The following TANC1 variants were observed in gnomAD, a reference collection of about 807,000 sequenced individuals.
TANC1 encodes the protein tetratricopeptide repeat, ankyrin repeat and coiled-coil containing 1.
A neutral mutation model predicts 149.7 loss-of-function variants in TANC1; 77 were observed. That is an observed-to-expected ratio of 0.51 (90% CI 0.43 to 0.62). The LOEUF is 0.62. Ranked by LOEUF, TANC1 falls within the 20% of genes least tolerant of loss-of-function variation. The probability of loss-of-function intolerance (pLI) is 0.00; values close to 1 mark genes in which losing one functional copy is unlikely to be tolerated. For missense variants in TANC1, 1,985 were observed against 2,321.8 expected (o/e 0.85, Z 2.98); for synonymous variants, 854 against 925.0 (o/e 0.92, Z 1.39).
chr2:159,111,325 G>T (rs74436374), intron 4 of TANC1, among the ~76,000 whole-genome samples: 13,610 of 152,218 alleles, frequency 0.089, 842 homozygotes, highest in Admixed American at 0.17. Context: ...TTGAAACTGA[G>T]CACATAGCTA....
At chr2:159,002,004 T>C (rs1334509543) in intron 2 of TANC1, among the ~76,000 whole-genome samples, 3 of 152,150 alleles carry the variant, frequency 2.0e-5, no homozygotes, top group Admixed American at 6.5e-5. Flanking sequence ...CATCCTCCAG[T>C]GTCCAGACTG....
chr2:159,145,513 G>T (rs1045100529), intron 5 of TANC1, among the ~76,000 whole-genome samples: 1 of 152,202 alleles, frequency 6.6e-6, no homozygotes, highest in South Asian at 2.1e-4. Flanking sequence ...CTGGATGGTG[G>T]TTAGCACTGA....
intron 2 of TANC1, among the ~76,000 whole-genome samples, chr2:159,015,518 AC>A (rs2149396932): frequency 6.6e-6 from 1 of 152,266 alleles, no homozygotes; most frequent in African/African-American, 2.4e-5. Context: ...TTCATTACTT[AC>A]GCAAATTTCT....
At chr2:159,016,392 G>A (rs753467731) in intron 2 of TANC1, among the ~76,000 whole-genome samples, 2 of 152,150 alleles carry the variant, frequency 1.3e-5, no homozygotes, top group South Asian at 4.1e-4. Flanking sequence ...AATTCAAGGT[G>A]AGATTTGGGT....
chr2:159,213,103 C>T (rs757283581), intron 19 of TANC1, among the ~76,000 whole-genome samples: 3 of 152,040 alleles, frequency 2.0e-5, no homozygotes, highest in Non-Finnish European at 2.9e-5. Flanking sequence ...AAGGAAGACA[C>T]CCATGAATTT....
At chr2:159,090,090 A>G (rs1574586565) in intron 3 of TANC1, among the ~76,000 whole-genome samples, 1 of 152,310 alleles carries the variant, frequency 6.6e-6, no homozygotes, top group African/African-American at 2.4e-5. Flanking sequence ...CCCATGCTTC[A>G]GTTGATCAGT....
chr2:159,044,766 G>A (rs2040913998), intron 2 of TANC1, among the ~76,000 whole-genome samples: 1 of 152,196 alleles, frequency 6.6e-6, no homozygotes, highest in Non-Finnish European at 1.5e-5. Context: ...ACTGCCCCAA[G>A]GGGATGGGGG....
At position 159,019,653 on chromosome 2, in the gene TANC1, G is replaced by GTTTT. The variant is rs55746240; in HGVS notation, c.-16+18494_-16+18497dup. Among the ~76,000 whole-genome samples, 727 of 73,262 alleles carry GTTTT rather than the reference G, an allele frequency of 9.9e-3. 121 individuals are homozygous for GTTTT. Among genetic ancestry groups the GTTTT allele is most frequent in the Non-Finnish European group, 0.013 (516 of 39,204 alleles). 48.1% of individuals were successfully genotyped at this position (73,262 alleles called of 152,430 possible). On this transcript the variant is annotated intron_variant, in intron 2 of 26. Coordinates refer to ENST00000263635, the MANE Select transcript of TANC1 (RefSeq NM_033394.3). Reference sequence around the variant, plus strand: ...CCTAACTGCAGCTTGCTTTCTTTCTGTTTTTTTTTTTTTTTTTTTTTTTTT... The same window carrying GTTTT: ...CCTAACTGCAGCTTGCTTTCTTTCTGTTTTTTTTTTTTTTTTTTTTTTTTTTTTT...
intron 19 of TANC1, among the ~76,000 whole-genome samples, chr2:159,213,661 G>A (rs2059149621): frequency 6.6e-6 from 1 of 151,998 alleles, no homozygotes; most frequent in South Asian, 2.1e-4. Flanking sequence ...AATCCACTTC[G>A]TCATCCAGAT....
intron 19 of TANC1, among the ~76,000 whole-genome samples, chr2:159,207,791 G>T (rs1032523414): frequency 1.3e-5 from 2 of 148,972 alleles, no homozygotes; most frequent in African/African-American, 5.0e-5. Context: ...TAATTTCGGA[G>T]GCTTATTTTC....
rs2046012749 is a variant in TANC1, at chr2:159,095,533, CAAGACCAGCCTG to C, written c.62-2102_62-2091del. Among the ~76,000 whole-genome samples, 4 of 151,832 alleles carry C rather than the reference CAAGACCAGCCTG, an allele frequency of 2.6e-5. 1 individual carries two copies. The South Asian group carries it at 8.3e-4, about 32-fold the overall frequency. ...CAGGTAGATCACGAGGTCAGAAGTT[CAAGACCAGCCTG>C]ACCAACATGGTGAAACCCTGTCTCT... On this transcript the variant is annotated intron_variant, in intron 3 of 26. Coordinates refer to ENST00000263635, the MANE Select transcript of TANC1 (RefSeq NM_033394.3).
At chr2:159,190,210 T>C (rs2057333374) in intron 16 of TANC1, among the ~76,000 whole-genome samples, 1 of 152,196 alleles carries the variant, frequency 6.6e-6, no homozygotes, top group African/African-American at 2.4e-5. Flanking sequence ...GTAGGTTAGT[T>C]TGGGGGCTGG....
rs571951973 is a variant in TANC1, at chr2:159,135,695, C to T, written c.260-499C>T. On this transcript the variant is annotated intron_variant, in intron 4 of 26. Transcript: ENST00000263635. ...GATGCCTGTGTTCTTGTGGCTGGTG[C>T]GCAGACTGTGTTGCTGTTACAGGCC... is the stretch of plus-strand genomic sequence containing the variant. 3.4e-4 allele frequency among the ~76,000 whole-genome samples: 52 copies of T among 152,352 alleles called. 1 individual carries two copies. The South Asian group carries it at 7.0e-3, about 21-fold the overall frequency.
At chr2:159,029,545 G>C (rs1347612200) in intron 2 of TANC1, among the ~76,000 whole-genome samples, 1 of 152,120 alleles carries the variant, frequency 6.6e-6, no homozygotes, top group African/African-American at 2.4e-5. Flanking sequence ...TAAGTACTTA[G>C]TATTTCTTGC....
In TANC1 at chr2:159,070,901, C is replaced by T. The variant is rs74754476; in HGVS notation, c.61+4930C>T. 2.4e-3 allele frequency among the ~76,000 whole-genome samples: 369 copies of T among 152,284 alleles called. 4 individuals are homozygous for T. The highest frequency in any genetic ancestry group is 8.5e-3 in the African/African-American group (355 of 41,552). Reference sequence around the variant, plus strand: ...ACTACCACATAGCGAGTAAATGGCTCAGCTAATATTTTTTTTTCTACTGGT... The same window carrying T: ...ACTACCACATAGCGAGTAAATGGCTTAGCTAATATTTTTTTTTCTACTGGT... On this transcript the variant is annotated intron_variant, in intron 3 of 26. Transcript: ENST00000263635.
intron 4 of TANC1, 71 bp from the exon 5 acceptor site, chr2:159,136,123 C>T (rs1036410218): frequency 2.1e-6 from 2 of 947,066 alleles, no homozygotes; most frequent in Non-Finnish European, 1.7e-6. Flanking sequence ...GGTAAGGACA[C>T]ACACTGTACA....
chr2:159,024,567 A>T (rs2039099949), intron 2 of TANC1, among the ~76,000 whole-genome samples: 1 of 152,116 alleles, frequency 6.6e-6, no homozygotes, highest in Admixed American at 6.6e-5. Context: ...CCTGGCCAAT[A>T]TGGTGAAACC....
intron 3 of TANC1, among the ~76,000 whole-genome samples, chr2:159,086,064 C>T (rs959780633): frequency 8.5e-5 from 13 of 152,154 alleles, no homozygotes; most frequent in African/African-American, 3.1e-4. Flanking sequence ...GGGTTGGCCT[C>T]ATTGCACAGC....
intron 5 of TANC1, among the ~76,000 whole-genome samples, chr2:159,142,099 A>G (rs1194708066): frequency 6.6e-6 from 1 of 152,184 alleles, no homozygotes; most frequent in Non-Finnish European, 1.5e-5. Context: ...GCCCTCTTTT[A>G]CCCCCAAATT....
Sources: allele counts gnomAD v4.1 joint callset (sites outside exome capture counted in the v4.1 genomes callset), GRCh38; gene constraint gnomAD v4.1.1; transcripts MANE v1.5; gene names NCBI Gene and HGNC (gene_info 2026-07-23, HGNC 2026-07-21).